The following BET1 variants were observed in gnomAD, a reference collection of about 807,000 sequenced individuals.
BET1 encodes the protein BET1 homolog.
In BET1, 9 loss-of-function variants were observed where a neutral mutation model predicts 13.9. The observed-to-expected ratio is 0.65, with a 90% CI of 0.39 to 1.13. The LOEUF (loss-of-function observed/expected upper bound fraction) is 1.13, where lower values mean the gene tolerates loss of function less well. Among genes scored for constraint, BET1 ranks in the 50% most tolerant of loss-of-function variants. The pLI is 0.01. For synonymous variants in BET1, 39 were observed against 47.3 expected, an observed-to-expected ratio of 0.82 and a Z score of 0.72; for missense variants, 127 against 133.6, an observed-to-expected ratio of 0.95 and a Z score of 0.24.
At chr7:93,992,453 T>C, downstream of BET1, 1 of 985,386 alleles carries the variant, frequency 1.0e-6, no homozygotes. Context: ...TAAGTCATTT[T>C]CTTTGGCCTT....
At chr7:93,991,528 G>A (rs1795633757), downstream of BET1, among the ~76,000 whole-genome samples, 1 of 152,140 alleles carries the variant, frequency 6.6e-6, no homozygotes. Context: ...GGAATCGAGT[G>A]TGGTGGGAGA....
exon 5 of BET1, chr7:93,976,006 T>C: frequency 7.8e-7 from 1 of 1,280,916 alleles, no homozygotes; most frequent in Non-Finnish European, 1.0e-6. Context: ...GCCTCCTTCT[T>C]TTTAAGCTTC....
Position 93,994,069 on chromosome 7 carries a change from T to C in BET1, c.*161A>G, listed in dbSNP as rs1270080529. 6.9e-7 allele frequency: 1 copy of C among 1,445,120 alleles called. No individual in the cohort carries two copies. The highest frequency in any genetic ancestry group is 1.4e-5 in the African/African-American group (1 of 69,892). 89.5% of individuals were successfully genotyped at this position (1,445,120 alleles called of 1,614,324 possible). A position where few individuals can be genotyped will look rare whatever the true frequency, so the allele number is the denominator to read the frequency against. On this transcript the variant is annotated 3_prime_UTR_variant, in exon 4 of 4. Transcript: ENST00000222547. ...TTAAGAAACAGTATTCAAAGACCAC[T>C]GTATTAACTAATGTGATTTATAAAA... is the stretch of plus-strand genomic sequence containing the variant.
chr7:94,004,057 G>A, intron 1 of BET1, 141 bp downstream of exon 1: 3 of 1,229,700 alleles, frequency 2.4e-6, no homozygotes, highest in Non-Finnish European at 3.5e-6. Context: ...GTTTCCACTC[G>A]ACATGGACCC....
Position 93,993,924 on chromosome 7 carries a change from T to C in BET1, c.*306A>G, listed in dbSNP as rs768693592. On this transcript the variant is annotated 3_prime_UTR_variant, in exon 4 of 4. Coordinates refer to ENST00000222547, the MANE Select transcript of BET1 (RefSeq NM_005868.6). Reference sequence around the variant, plus strand: ...TGGGACATAAACCTGCATTTATGATTACAACAAAATATTATAATGCTATTT... The same window carrying C: ...TGGGACATAAACCTGCATTTATGATCACAACAAAATATTATAATGCTATTT... The C allele has an allele frequency of 8.8e-5, 135 of 1,535,040 alleles. No homozygotes were observed. The highest frequency in any genetic ancestry group is 1.7e-4 in the Middle Eastern group (1 of 6,010).
chr7:93,986,059 A>G (rs1052014882), intron 4 of BET1, among the ~76,000 whole-genome samples: 3 of 152,136 alleles, frequency 2.0e-5, no homozygotes, highest in Non-Finnish European at 2.9e-5. Context: ...GCTAAAGTTA[A>G]TGGTTAGAAA....
intron 6 of BET1, among the ~76,000 whole-genome samples, chr7:93,970,340 T>C (rs77150103): frequency 0.035 from 5,310 of 151,826 alleles, 125 homozygotes; most frequent in East Asian, 0.14. Flanking sequence ...TCTGGGTAGG[T>C]GACAGTGTGT....
chr7:93,969,203 C>T lies in BET1; in HGVS notation c.*137+3372G>A, dbSNP rs1037795293. Among the ~76,000 whole-genome samples, 7 of 151,960 alleles carry T rather than the reference C, an allele frequency of 4.6e-5. No homozygotes were observed. The South Asian group carries it at 1.0e-3, about 23-fold the overall frequency. On this transcript the variant is annotated intron_variant and NMD_transcript_variant, in intron 6 of 6. Transcript: ENST00000357520. ...GAGGAAGAATGAGAGGCACATTTTT[C>T]TTCTTGGGTCCAAGGAAATGCTCTA... is the stretch of plus-strand genomic sequence containing the variant.
At chr7:93,969,958 C>T (rs1795233112) in intron 6 of BET1, among the ~76,000 whole-genome samples, 2 of 151,734 alleles carry the variant, frequency 1.3e-5, no homozygotes, top group Admixed American at 1.3e-4. Context: ...GTCATAATTA[C>T]CCAAATATTT....
intron 6 of BET1, among the ~76,000 whole-genome samples, chr7:93,969,899 AT>A (rs1419102409): frequency 6.6e-4 from 100 of 151,994 alleles, no homozygotes; most frequent in African/African-American, 2.3e-3. Flanking sequence ...AAATTTCAAA[AT>A]TGAATTGCAG....
At position 94,004,291 on chromosome 7, in the gene BET1, C is replaced by A; in HGVS notation, c.-75G>T. On this transcript the variant is annotated 5_prime_UTR_variant, in exon 1 of 4. Transcript: ENST00000222547. ...GGAAACAGCTAGGGGCGACCCGGACCGCGTCTTCAGTACCAGGGCCCAGCG... is the reference window on the plus strand; with the variant it reads ...GGAAACAGCTAGGGGCGACCCGGACAGCGTCTTCAGTACCAGGGCCCAGCG... 3 of 1,600,280 alleles carry A rather than the reference C, an allele frequency of 1.9e-6. No individual in the cohort carries two copies. Among genetic ancestry groups the A allele is most frequent in the Non-Finnish European group, 2.6e-6 (3 of 1,167,758 alleles).
At chr7:94,001,766 G>A (rs887447571) in intron 1 of BET1, among the ~76,000 whole-genome samples, 3 of 152,192 alleles carry the variant, frequency 2.0e-5, no homozygotes, top group Non-Finnish European at 4.4e-5. Flanking sequence ...TGTGGCTGAG[G>A]TTCTGAGTAT....
intron 1 of BET1, among the ~76,000 whole-genome samples, chr7:94,001,987 T>C (rs1235624950): frequency 6.6e-6 from 1 of 152,222 alleles, no homozygotes; most frequent in Non-Finnish European, 1.5e-5. Flanking sequence ...AATATATCAA[T>C]GCACATTCCT....
exon 7 of BET1, chr7:93,963,324 G>A (rs1584118130): frequency 6.6e-6 from 1 of 152,000 alleles, no homozygotes; most frequent in African/African-American, 2.4e-5. Context: ...TCTCAGGTAT[G>A]TCTTTATAGC....
intron 4 of BET1, among the ~76,000 whole-genome samples, chr7:93,980,794 G>A (rs1452194651): frequency 8.5e-5 from 13 of 152,122 alleles, no homozygotes; most frequent in East Asian, 1.9e-4. Flanking sequence ...ATTTTTAAAC[G>A]CATCCATATC....
chr7:93,986,517 G>T (rs928447986), intron 4 of BET1, among the ~76,000 whole-genome samples: 1 of 152,190 alleles, frequency 6.6e-6, no homozygotes, highest in African/African-American at 2.4e-5. Flanking sequence ...AGCTAACTAG[G>T]TGTGCCTAAT....
intron 6 of BET1, among the ~76,000 whole-genome samples, chr7:93,966,865 C>T (rs1795181408): frequency 6.6e-6 from 1 of 151,702 alleles, no homozygotes; most frequent in Non-Finnish European, 1.5e-5. Context: ...TATATTTGGA[C>T]CATCTGGAGT....
intron 4 of BET1, among the ~76,000 whole-genome samples, chr7:93,977,046 A>T (rs1196383967): frequency 1.3e-5 from 2 of 151,942 alleles, no homozygotes; most frequent in South Asian, 2.1e-4. Flanking sequence ...ATATCTATCT[A>T]TATCTATATC....
chr7:93,977,585 A>G (rs988810628), intron 4 of BET1, among the ~76,000 whole-genome samples: 2 of 152,130 alleles, frequency 1.3e-5, no homozygotes, highest in Admixed American at 6.6e-5. Flanking sequence ...ACTCACTTCT[A>G]TCTGGCACAA....
Sources: gnomAD v4.1 joint callset for allele counts (sites outside exome capture counted in the v4.1 genomes callset) on GRCh38, gnomAD v4.1.1 for gene constraint, MANE v1.5 for transcripts, NCBI Gene and HGNC (gene_info 2026-07-23, HGNC 2026-07-21) for gene names.